KIF18B: variants seen among roughly 807,000 people sequenced by gnomAD.
KIF18B encodes the protein kinesin-like protein KIF18B.
A neutral mutation model predicts 80.9 loss-of-function variants in KIF18B; 49 were observed. That is an observed-to-expected ratio of 0.61 (90% CI 0.48 to 0.77). The LOEUF is 0.77. KIF18B is among the 30% of genes least tolerant of loss of function. KIF18B has a pLI of 0.00. For synonymous variants in KIF18B, 439 were observed against 463.9 expected (o/e 0.95, Z 0.69); for missense variants, 994 against 1,127.7 (o/e 0.88, Z 1.70).
intron 2 of KIF18B, among the ~76,000 whole-genome samples, chr17:44,935,688 GC>G (rs2052273367): frequency 6.6e-6 from 1 of 152,166 alleles, no homozygotes; most frequent in African/African-American, 2.4e-5. Context: ...GGTGTTGAAG[GC>G]TCACAGTTAT....
chr17:44,941,921 C>T (rs2145741217), intron 1 of KIF18B, among the ~76,000 whole-genome samples: 1 of 152,282 alleles, frequency 6.6e-6, no homozygotes, highest in Non-Finnish European at 1.5e-5. Flanking sequence ...AGTCTGTTTG[C>T]CTAATGAGAT....
In KIF18B at chr17:44,927,035, A is replaced by G; in HGVS notation, c.2320T>C (p.Ser774Pro). Residue 774 changes from serine to proline, a missense_variant, in exon 14 of 16, where the codon TCT becomes CCT. By Grantham distance (74) the Ser-to-Pro change is moderately conservative (BLOSUM62 -1). Coordinates refer to ENST00000593135, the MANE Select transcript of KIF18B (RefSeq NM_001265577.2). The surrounding 1 kb of genome is among the most constrained non-coding windows in gnomAD (Gnocchi z 4.1). ...CAGGCAGAGGTCCCAGGGAGGGAAG[A>G]TGTTGGCTTGGGGCCCTTCATGGTG... ...LFTMKGPKPTSSLPGTSACKK... is the reference protein window; with the variant it reads ...LFTMKGPKPTPSLPGTSACKK... 6.2e-7 allele frequency: 1 copy of G among 1,612,904 alleles called. No homozygotes were observed. Among genetic ancestry groups the G allele is most frequent in the East Asian group, 2.2e-5 (1 of 44,864 alleles).
chr17:44,938,017 C>T (rs200874590), intron 1 of KIF18B, among the ~76,000 whole-genome samples: 23 of 132,062 alleles, frequency 1.7e-4, no homozygotes, highest in African/African-American at 2.7e-4. Context: ...CACACACACA[C>T]ATATATATTT....
chr17:44,946,018 A>G (rs1028230539), intron 1 of KIF18B, among the ~76,000 whole-genome samples: 2 of 151,432 alleles, frequency 1.3e-5, no homozygotes, highest in Admixed American at 6.6e-5. Flanking sequence ...TCAGGAGTTC[A>G]AGACCAGCCT....
rs1270305145 is a variant in KIF18B at position 44,934,509 on chromosome 17, G to T, written c.685C>A (p.Gln229Lys). Residue 229 changes from glutamine (Q) to lysine (K), a missense_variant and splice_region_variant, in exon 5 of 16, where the codon CAG (glutamine) becomes AAG (lysine). By Grantham distance (53) the Gln-to-Lys change is moderately conservative. Coordinates refer to ENST00000593135, the MANE Select transcript of KIF18B (RefSeq NM_001265577.2). This position sits in a 1 kb window ranked among gnomAD's most constrained non-coding sequence, Gnocchi z 5.4. The stretch of plus-strand genomic sequence containing the variant: ...CAGGCTCTGACCCATGACCTCACCT[G>T]GAAGATGGCATGGGAGCGGGAGGAA... ...ATSSRSHAIF[Q>K]IFVKQQDRVP... The T allele has an allele frequency of 6.2e-7, 1 of 1,611,334 alleles. No homozygotes were observed. The highest frequency in any genetic ancestry group is 8.5e-7 in the Non-Finnish European group (1 of 1,178,640).
rs1183031142 is a variant in KIF18B, at chr17:44,934,218, C to T, written c.885+15G>A. 2 of 1,604,166 alleles carry T rather than the reference C, an allele frequency of 1.2e-6. No individual in the cohort carries two copies. The highest frequency in any genetic ancestry group is 1.7e-6 in the Non-Finnish European group (2 of 1,174,780). On this transcript the variant is annotated intron_variant, in intron 6 of 15. Transcript: ENST00000593135. The surrounding 1 kb of genome is among the most constrained non-coding windows in gnomAD (Gnocchi z 5.4). The stretch of plus-strand genomic sequence containing the variant: ...GTTGCTATCCTGGGGAGAATACTGG[C>T]CTGTGCTGCTTTACCTTTGCATCGG...
chr17:44,947,383 G>A (rs962796984), intron 1 of KIF18B, among the ~76,000 whole-genome samples: 8 of 152,172 alleles, frequency 5.3e-5, no homozygotes, highest in African/African-American at 1.9e-4. Flanking sequence ...GCATAGATGA[G>A]CGGAGGGGTC....
Position 44,926,910 on chromosome 17 carries a change from C to T in KIF18B, c.2366+79G>A, listed in dbSNP as rs1340551753. On this transcript the variant is annotated intron_variant, in intron 14 of 15. Transcript: ENST00000593135. The stretch of plus-strand genomic sequence containing the variant: ...GTGTAGAGACAGAGACACTGGGGGC[C>T]CAGAGTCGGCCCAGGTGTCTACTGC... 4 of 1,256,070 alleles carry T rather than the reference C, an allele frequency of 3.2e-6. No individual in the cohort carries two copies. In the African/African-American group the frequency reaches 5.9e-5, roughly 19 times the overall value. The allele number at this position is 1,256,070 out of a possible 1,614,324, so 77.8% of individuals were successfully genotyped here.
At chr17:44,931,928 A>C in intron 10 of KIF18B, 128 bp downstream of exon 10, 1 of 1,206,524 alleles carries the variant, frequency 8.3e-7, no homozygotes, top group Non-Finnish European at 1.2e-6. Flanking sequence ...CCTCCTAATG[A>C]CTAAGGTGCA....
Position 44,931,746 on chromosome 17 carries a change from A to G in KIF18B, c.1390-17T>C. ...GGTTGGAACCTAAAGAGGAAGGAAA[A>G]GGCACAGGTAGAGGGGCCAGGATGG... On this transcript the variant is annotated splice_polypyrimidine_tract_variant and intron_variant, in intron 10 of 15. Transcript: ENST00000593135. 1 of 1,613,398 alleles carries G rather than the reference A, an allele frequency of 6.2e-7. No homozygotes were observed. Among genetic ancestry groups the G allele is most frequent in the Non-Finnish European group, 8.5e-7 (1 of 1,179,588 alleles).
At position 44,925,860 on chromosome 17, in the gene KIF18B, A is replaced by C. The variant is rs2052013732; in HGVS notation, c.*220T>G. 3.3e-6 allele frequency: 2 copies of C among 600,646 alleles called. No individual in the cohort carries two copies. The highest frequency in any genetic ancestry group is 3.0e-6 in the Non-Finnish European group (1 of 338,488). The allele number at this position is 600,646 out of a possible 1,614,324, so 37.2% of individuals were successfully genotyped here. ...TTAACACTCACAAATGAATATGTAC[A>C]TGCCAAGAAGCTGAGTGTAACAGGA... On this transcript the variant is annotated 3_prime_UTR_variant, in exon 16 of 16. Coordinates refer to ENST00000593135, the MANE Select transcript of KIF18B (RefSeq NM_001265577.2).
chr17:44,926,840 T>A, intron 14 of KIF18B, 149 bp downstream of exon 14: 3 of 695,338 alleles, frequency 4.3e-6, no homozygotes, highest in Middle Eastern at 3.9e-4. Context: ...ATAGGAGAAC[T>A]AGATGCGGGC....
At chr17:44,931,961 C>T in intron 10 of KIF18B, 95 bp downstream of exon 10, 2 of 1,380,586 alleles carry the variant, frequency 1.4e-6, no homozygotes, top group African/African-American at 1.5e-5. Context: ...AGAGACGGGA[C>T]TAAAGGGACT....
At chr17:44,935,943 G>T in intron 2 of KIF18B, 89 bp downstream of exon 2, 1 of 1,195,700 alleles carries the variant, frequency 8.4e-7, no homozygotes, top group Non-Finnish European at 1.2e-6. Flanking sequence ...CTTGGGGGAG[G>T]CGGGCACATG....
Position 44,928,885 on chromosome 17 carries a change from C to T in KIF18B, c.1657G>A (p.Glu553Lys). The part of the protein sequence containing the change: ...VQEEKIEPGA[E>K]ALRTSGLARG... The stretch of plus-strand genomic sequence containing the variant: ...GCCAGGCCTGAAGTCCTCAAGGCCT[C>T]TGCCCCAGGCTCAATTTTTTCCTCT... The change falls in exon 12 of 16, where the codon GAG becomes AAG. Residue 553 changes from glutamate to lysine, a missense_variant. Coordinates refer to ENST00000593135, the MANE Select transcript of KIF18B (RefSeq NM_001265577.2). 6.2e-7 allele frequency: 1 copy of T among 1,613,948 alleles called. No individual in the cohort carries two copies. The highest frequency in any genetic ancestry group is 8.5e-7 in the Non-Finnish European group (1 of 1,179,850).
At chr17:44,943,598 T>C (rs2052459495) in intron 1 of KIF18B, among the ~76,000 whole-genome samples, 2 of 152,234 alleles carry the variant, frequency 1.3e-5, no homozygotes, top group South Asian at 4.1e-4. Flanking sequence ...CCTTCTACTA[T>C]TTCACACTTT....
chr17:44,936,513 T>C (rs920532774), intron 1 of KIF18B, 155 bp from the exon 2 acceptor site: 2 of 598,326 alleles, frequency 3.3e-6, no homozygotes, highest in South Asian at 2.3e-5. Context: ...ACCAATTATA[T>C]CTCTTTCTCA....
intron 1 of KIF18B, among the ~76,000 whole-genome samples, chr17:44,943,094 T>C (rs1359223246): frequency 6.6e-6 from 1 of 152,002 alleles, no homozygotes; most frequent in African/African-American, 2.4e-5. Context: ...GAGGAAGAAA[T>C]TGTGTTTTTT....
Position 44,934,192 on chromosome 17 carries a change from A to G in KIF18B, c.885+41T>C. 1 of 1,595,488 alleles carries G rather than the reference A, an allele frequency of 6.3e-7. No homozygotes were observed. Among genetic ancestry groups the G allele is most frequent in the East Asian group, 2.2e-5 (1 of 44,534 alleles). ...CCTTTGGCCCTGGGTTCAGGTGCTC[A>G]GTTGCTATCCTGGGGAGAATACTGG... On this transcript the variant is annotated intron_variant, in intron 6 of 15. Transcript: ENST00000593135. The surrounding 1 kb of genome is among the most constrained non-coding windows in gnomAD (Gnocchi z 5.4).
Sources: allele counts gnomAD v4.1 joint callset (sites outside exome capture counted in the v4.1 genomes callset), GRCh38; gene constraint gnomAD v4.1.1; non-coding constraint Gnocchi (gnomAD v3.1); transcripts MANE v1.5; gene names NCBI Gene and HGNC (gene_info 2026-07-23, HGNC 2026-07-21).